The following MCTP2 variants were observed in gnomAD, a reference collection of about 807,000 sequenced individuals.
MCTP2 encodes the protein multiple C2 and transmembrane domain containing 2, also known as multiple C2 and transmembrane domain-containing protein 2.
A neutral mutation model predicts 111.6 loss-of-function variants in MCTP2; 132 were observed. The observed-to-expected ratio is 1.18, with a 90% CI of 1.03 to 1.37. The LOEUF is 1.37. MCTP2 is among the 40% of genes most tolerant of loss of function. The probability of loss-of-function intolerance (pLI) is 0.00; values close to 1 mark genes in which losing one functional copy is unlikely to be tolerated. For missense variants in MCTP2, 1,183 were observed against 1,067.9 expected (o/e 1.11, Z -1.50); for synonymous variants, 395 against 387.7 (o/e 1.02, Z -0.22).
rs1439341346 is a variant in MCTP2, at chr15:94,242,979, A to G, written c.-66+11315A>G. On this transcript the variant is annotated intron_variant, in intron 1 of 22. Coordinates refer to ENST00000357742, the MANE Select transcript of MCTP2 (RefSeq NM_001385001.1). ...TATACACGTGTATATGTGTATCTAC[A>G]CATACACGTGTATATGTGTATCTAC... 2.1e-3 allele frequency among the ~76,000 whole-genome samples: 186 copies of G among 89,956 alleles called. 17 individuals carry two copies. Among genetic ancestry groups the G allele is most frequent in the Middle Eastern group, 6.7e-3 (1 of 150 alleles). The allele number at this position is 89,956 out of a possible 152,430, so 59.0% of individuals were successfully genotyped here. A position where few individuals can be genotyped will look rare whatever the true frequency, so the allele number is the denominator to read the frequency against.
At chr15:94,450,738 T>C (rs2084393705) in intron 19 of MCTP2, among the ~76,000 whole-genome samples, 1 of 152,236 alleles carries the variant, frequency 6.6e-6, no homozygotes, top group East Asian at 1.9e-4. Flanking sequence ...CTGAGAATTC[T>C]GTTCATCCTG....
chr15:94,384,653 T>C (rs2152455984), intron 13 of MCTP2, among the ~76,000 whole-genome samples: 1 of 152,354 alleles, frequency 6.6e-6, no homozygotes, highest in African/African-American at 2.4e-5. Flanking sequence ...TCAAGGCACC[T>C]GAACATTGAG....
chr15:94,467,228 A>G (rs986787519), intron 20 of MCTP2, among the ~76,000 whole-genome samples: 1 of 152,180 alleles, frequency 6.6e-6, no homozygotes, highest in African/African-American at 2.4e-5. Context: ...CTATTTTTAC[A>G]TTATAGGCTA....
intron 1 of MCTP2, among the ~76,000 whole-genome samples, chr15:94,285,815 C>G (rs1596270326): frequency 6.6e-6 from 1 of 152,154 alleles, no homozygotes; most frequent in African/African-American, 2.4e-5. Context: ...CATACCCTGT[C>G]CCACTTCTAG....
chr15:94,408,595 C>A (rs539639599), intron 17 of MCTP2, among the ~76,000 whole-genome samples: 51 of 152,196 alleles, frequency 3.4e-4, no homozygotes, highest in African/African-American at 1.1e-3. Flanking sequence ...TTGGCAGGTT[C>A]TCAGGCATTA....
intron 14 of MCTP2, among the ~76,000 whole-genome samples, chr15:94,392,989 A>G (rs2081079625): frequency 6.6e-6 from 1 of 152,186 alleles, no homozygotes; most frequent in African/African-American, 2.4e-5. Flanking sequence ...TAAGCCTTTT[A>G]TGTCCGTTTT....
intron 21 of MCTP2, among the ~76,000 whole-genome samples, chr15:94,473,024 A>C (rs2074056181): frequency 6.6e-6 from 1 of 152,070 alleles, no homozygotes. Context: ...TTGAGTGCTA[A>C]AATGGTGAAT....
At chr15:94,414,125 A>G (rs2082271231) in intron 17 of MCTP2, among the ~76,000 whole-genome samples, 1 of 152,212 alleles carries the variant, frequency 6.6e-6, no homozygotes, top group South Asian at 2.1e-4. Flanking sequence ...GTTGAGTGTC[A>G]TCAACAGATA....
At chr15:94,268,977 A>G (rs568219505) in intron 1 of MCTP2, among the ~76,000 whole-genome samples, 2 of 152,296 alleles carry the variant, frequency 1.3e-5, no homozygotes, top group African/African-American at 4.8e-5. Context: ...AACTATTAGC[A>G]TAAGGGTTTT....
chr15:94,388,775 A>C (rs1227970140), intron 14 of MCTP2, among the ~76,000 whole-genome samples: 1 of 152,230 alleles, frequency 6.6e-6, no homozygotes, highest in Non-Finnish European at 1.5e-5. Context: ...TTTACAAATA[A>C]GGATACTGAA....
intron 1 of MCTP2, among the ~76,000 whole-genome samples, chr15:94,241,044 G>A (rs1402921548): frequency 1.3e-5 from 2 of 152,272 alleles, no homozygotes; most frequent in Non-Finnish European, 2.9e-5. Flanking sequence ...CACGGTGGAT[G>A]TTTTGGTTAT....
At chr15:94,455,181 C>T (rs2084741140) in intron 19 of MCTP2, among the ~76,000 whole-genome samples, 1 of 152,150 alleles carries the variant, frequency 6.6e-6, no homozygotes, top group Admixed American at 6.5e-5. Flanking sequence ...AATATACATT[C>T]TGACCATTAA....
intron 17 of MCTP2, among the ~76,000 whole-genome samples, chr15:94,408,268 C>A (rs532333703): frequency 6.6e-6 from 1 of 152,092 alleles, no homozygotes; most frequent in South Asian, 2.1e-4. Context: ...TTGTGTAAAG[C>A]TGGAAAAAAG....
chr15:94,259,602 C>G (rs1320366820), intron 1 of MCTP2, among the ~76,000 whole-genome samples: 1 of 152,150 alleles, frequency 6.6e-6, no homozygotes, highest in East Asian at 1.9e-4. Context: ...AATACTGTCT[C>G]CAAACCATTT....
At chr15:94,388,088 A>G (rs1474810611) in intron 14 of MCTP2, among the ~76,000 whole-genome samples, 2 of 152,190 alleles carry the variant, frequency 1.3e-5, no homozygotes, top group Non-Finnish European at 2.9e-5. Context: ...AGGTTGAAGT[A>G]CTTTGGCATT....
chr15:94,435,194 T>G (rs555188466), intron 17 of MCTP2, among the ~76,000 whole-genome samples: 69 of 152,252 alleles, frequency 4.5e-4, no homozygotes, highest in Non-Finnish European at 8.1e-4. Context: ...TAGAATCAGG[T>G]TACCCATTTC....
chr15:94,250,696 C>T (rs2072354455), intron 1 of MCTP2, among the ~76,000 whole-genome samples: 1 of 152,098 alleles, frequency 6.6e-6, no homozygotes, highest in Non-Finnish European at 1.5e-5. Context: ...ACTCAGAGAA[C>T]AATCATAACA....
intron 1 of MCTP2, among the ~76,000 whole-genome samples, chr15:94,295,080 C>G (rs1475205375): frequency 6.6e-6 from 1 of 150,680 alleles, no homozygotes; most frequent in Non-Finnish European, 1.5e-5. Context: ...CTCTCAGTTC[C>G]TGGCATTACA....
At chr15:94,415,957 T>C (rs778799905) in intron 17 of MCTP2, among the ~76,000 whole-genome samples, 2 of 152,138 alleles carry the variant, frequency 1.3e-5, no homozygotes, top group Non-Finnish European at 2.9e-5. Flanking sequence ...AATGGCAGTT[T>C]AGGAAATATC....
Sources: gnomAD v4.1 joint callset for allele counts (sites outside exome capture counted in the v4.1 genomes callset) on GRCh38, gnomAD v4.1.1 for gene constraint, MANE v1.5 for transcripts, NCBI Gene and HGNC (gene_info 2026-07-23, HGNC 2026-07-21) for gene names.